The following SPTBN1 variants were observed in gnomAD, a reference collection of about 807,000 sequenced individuals.
SPTBN1 encodes spectrin beta chain, non-erythrocytic 1.
Under a neutral mutation model 266.4 loss-of-function variants are expected in SPTBN1, and 32 were observed. The ratio of observed to expected loss-of-function variants is 0.12; its 90% CI spans 0.09 to 0.16. The LOEUF is 0.16. SPTBN1 is among the 10% of genes least tolerant of loss of function. The pLI is 1.00. For missense variants in SPTBN1, 2,296 were observed against 3,067.1 expected, an observed-to-expected ratio of 0.75 and a Z score of 5.94; for synonymous variants, 1,336 against 1,162.2, an observed-to-expected ratio of 1.15 and a Z score of -3.04.
At chr2:54,472,109 G>A (rs1180448431) in intron 1 of SPTBN1, among the ~76,000 whole-genome samples, 3 of 130,890 alleles carry the variant, frequency 2.3e-5, no homozygotes, top group Admixed American at 9.1e-5. Flanking sequence ...CTCACTGCAA[G>A]CTCCGCCTCC....
intron 1 of SPTBN1, among the ~76,000 whole-genome samples, chr2:54,467,469 A>G (rs933412342): frequency 2.6e-5 from 4 of 152,148 alleles, no homozygotes; most frequent in African/African-American, 7.2e-5. Context: ...ATCTCGGCTC[A>G]CTGCAACCTC....
At chr2:54,515,358 T>A (rs1670058808) in intron 1 of SPTBN1, among the ~76,000 whole-genome samples, 1 of 152,190 alleles carries the variant, frequency 6.6e-6, no homozygotes, top group African/African-American at 2.4e-5. Context: ...ATAACTTTAT[T>A]GCAATTCCCC....
chr2:54,643,249 A>C (rs1286104940), intron 19 of SPTBN1, 120 bp downstream of exon 19: 14 of 1,414,790 alleles, frequency 9.9e-6, no homozygotes, highest in Non-Finnish European at 9.5e-7. Flanking sequence ...CGTAAGTTAC[A>C]CAGCCAGTAA....
chr2:54,487,855 A>G (rs1299444729), intron 1 of SPTBN1, among the ~76,000 whole-genome samples: 3 of 582 alleles, frequency 5.2e-3, no homozygotes, highest in East Asian at 0.067. Context: ...TTTGAGACGG[A>G]GTCTTGCTCT....
At chr2:54,556,485 T>G (rs1339561861) in intron 2 of SPTBN1, among the ~76,000 whole-genome samples, 1 of 152,252 alleles carries the variant, frequency 6.6e-6, no homozygotes, top group Non-Finnish European at 1.5e-5. Flanking sequence ...CTCCCTTTCT[T>G]CATTAAGTGG....
At chr2:54,476,094 T>C (rs1667809438) in intron 1 of SPTBN1, among the ~76,000 whole-genome samples, 1 of 152,092 alleles carries the variant, frequency 6.6e-6, no homozygotes, top group Non-Finnish European at 1.5e-5. Context: ...GGTGCTGCAG[T>C]AACAAAGATC....
chr2:54,579,524 A>G (rs558383423), intron 2 of SPTBN1, among the ~76,000 whole-genome samples: 11 of 152,244 alleles, frequency 7.2e-5, no homozygotes, highest in Non-Finnish European at 1.5e-4. Context: ...CGTGCTATAT[A>G]GCTCTCTTAA....
chr2:54,582,907 G>T (rs7556752), intron 2 of SPTBN1, among the ~76,000 whole-genome samples: 5 of 152,100 alleles, frequency 3.3e-5, no homozygotes, highest in Admixed American at 3.3e-4. Context: ...AAATATGTTT[G>T]GTGGTAAGAG....
intron 1 of SPTBN1, among the ~76,000 whole-genome samples, chr2:54,458,656 C>T (rs1359683044): frequency 6.6e-6 from 1 of 152,158 alleles, no homozygotes; most frequent in Non-Finnish European, 1.5e-5. Flanking sequence ...CCAGTGTTCT[C>T]ATGTTTAGTC....
At chr2:54,477,321 G>C (rs1043420456) in intron 1 of SPTBN1, among the ~76,000 whole-genome samples, 1 of 151,202 alleles carries the variant, frequency 6.6e-6, no homozygotes, top group African/African-American at 2.4e-5. Flanking sequence ...CCCAACCCCC[G>C]TTTTGTAACT....
chr2:54,612,141 C>T lies in SPTBN1; in HGVS notation c.301-20C>T, dbSNP rs182275728. On this transcript the variant is annotated intron_variant, in intron 3 of 35. Transcript: ENST00000356805. Reference sequence around the variant, plus strand: ...ACTCTGTTGGGTGATGTGTCTCTACCTCTGCTCTCCTGTTTCTAGCCTAAA... The same window carrying T: ...ACTCTGTTGGGTGATGTGTCTCTACTTCTGCTCTCCTGTTTCTAGCCTAAA... The T allele has an allele frequency of 2.5e-6, 4 of 1,569,986 alleles. No individual in the cohort carries two copies. In the South Asian group the frequency reaches 3.5e-5, roughly 14 times the overall value.
At chr2:54,593,787 A>G (rs921129002) in intron 2 of SPTBN1, among the ~76,000 whole-genome samples, 2 of 137,078 alleles carry the variant, frequency 1.5e-5, no homozygotes, top group African/African-American at 2.6e-5. Flanking sequence ...GGATGGTGAG[A>G]TGGTGGGTAA....
intron 9 of SPTBN1, among the ~76,000 whole-genome samples, chr2:54,622,784 C>T (rs1044326867): frequency 6.6e-6 from 1 of 152,022 alleles, no homozygotes; most frequent in African/African-American, 2.4e-5. Flanking sequence ...TTCAGGATTC[C>T]ATAATTTTTG....
At chr2:54,557,855 C>G in intron 2 of SPTBN1, 1 of 985,438 alleles carries the variant, frequency 1.0e-6, no homozygotes, top group South Asian at 4.7e-5. Context: ...TGGCGCTGCA[C>G]AGCGCCCTGA....
At chr2:54,501,771 AC>A (rs1277615413) in intron 1 of SPTBN1, among the ~76,000 whole-genome samples, 2 of 152,022 alleles carry the variant, frequency 1.3e-5, no homozygotes, top group African/African-American at 4.8e-5. Context: ...GAGAGTTACC[AC>A]CCCTGCCTGG....
intron 1 of SPTBN1, among the ~76,000 whole-genome samples, chr2:54,522,414 C>A (rs1001808214): frequency 6.6e-6 from 1 of 151,746 alleles, no homozygotes; most frequent in Non-Finnish European, 1.5e-5. Context: ...GCAGATTACC[C>A]GAGTTCAGGA....
At chr2:54,468,007 T>C (rs1024153012) in intron 1 of SPTBN1, among the ~76,000 whole-genome samples, 2 of 152,150 alleles carry the variant, frequency 1.3e-5, no homozygotes, top group Non-Finnish European at 2.9e-5. Flanking sequence ...AAACATACAG[T>C]TAATATTTTA....
At position 54,626,393 on chromosome 2, in the gene SPTBN1, G is replaced by T. The variant is rs1678333741; in HGVS notation, c.1644+159G>T. Among the ~76,000 whole-genome samples, 1 of 152,240 alleles carries T rather than the reference G, an allele frequency of 6.6e-6. No homozygotes were observed. Among genetic ancestry groups the T allele is most frequent in the African/African-American group, 2.4e-5 (1 of 41,474 alleles). On this transcript the variant is annotated intron_variant, in intron 12 of 35. Coordinates refer to ENST00000356805, the MANE Select transcript of SPTBN1 (RefSeq NM_003128.3). This position sits in a 1 kb window ranked among gnomAD's most constrained non-coding sequence, Gnocchi z 4.7. ...CACATCACCCATGGGAAGATTGCTA[G>T]CTCAGGAATTAAATGAGACGTGAAG...
intron 4 of SPTBN1, among the ~76,000 whole-genome samples, chr2:54,612,847 G>T (rs891433574): frequency 6.6e-5 from 10 of 152,194 alleles, no homozygotes; most frequent in Admixed American, 5.2e-4. Context: ...CAGTTTGCAG[G>T]AGGAAAGTAC....
Sources: allele counts gnomAD v4.1 joint callset (sites outside exome capture counted in the v4.1 genomes callset), GRCh38; gene constraint gnomAD v4.1.1; non-coding constraint Gnocchi (gnomAD v3.1); transcripts MANE v1.5; gene names NCBI Gene and HGNC (gene_info 2026-07-23, HGNC 2026-07-21).